IER2: variants seen among roughly 807,000 people sequenced by gnomAD.
IER2 encodes the protein immediate early response 2, also known as immediate early response gene 2 protein.
For synonymous variants in IER2, 198 were observed against 149.6 expected, an observed-to-expected ratio of 1.32 and a Z score of -2.36; for missense variants, 372 against 325.4, an observed-to-expected ratio of 1.14 and a Z score of -1.10.
rs1043814277 is a variant in IER2, at chr19:13,154,155, C to G, written c.*297C>G. On this transcript the variant is annotated 3_prime_UTR_variant, in exon 2 of 2. Coordinates refer to ENST00000292433, the MANE Select transcript of IER2 (RefSeq NM_004907.3). ...TGGACTGGGACGTGAACCTTTCGCT[C>G]TCCTTCTGGACTGGGAGAAGGGAGG... The G allele has an allele frequency of 1.4e-4, 57 of 415,482 alleles. No homozygotes were observed. The highest frequency in any genetic ancestry group is 6.3e-4 in the Middle Eastern group (1 of 1,594). 25.7% of individuals were successfully genotyped at this position (415,482 alleles called of 1,614,324 possible).
rs2020106558 is a variant in IER2 at position 13,154,542 on chromosome 19, G to C, written c.*684G>C. 1 of 167,322 alleles carries C rather than the reference G, an allele frequency of 6.0e-6. No individual in the cohort carries two copies. The highest frequency in any genetic ancestry group is 2.4e-5 in the African/African-American group (1 of 41,458). The allele number at this position is 167,322 out of a possible 1,614,324, so 10.4% of individuals were successfully genotyped here. A position where few individuals can be genotyped will look rare whatever the true frequency, so the allele number is the denominator to read the frequency against. On this transcript the variant is annotated 3_prime_UTR_variant, in exon 2 of 2. Coordinates refer to ENST00000292433, the MANE Select transcript of IER2 (RefSeq NM_004907.3). Reference sequence around the variant, plus strand: ...AATGTCCCGCGTCTCTGCACCTTCGGGTGGGAGCGGGGACTGATCTACTTT... The same window carrying C: ...AATGTCCCGCGTCTCTGCACCTTCGCGTGGGAGCGGGGACTGATCTACTTT...
At chr19:13,152,857 G>GAC (rs2020081275) in intron 1 of IER2, 87 bp from the exon 2 acceptor site, 2 of 184,788 alleles carry the variant, frequency 1.1e-5, no homozygotes, top group Admixed American at 1.2e-4. Context: ...CACCCAGAAA[G>GAC]CTCAGCGTGG....
Position 13,153,905 on chromosome 19 carries a change from C to T in IER2, c.*47C>T, listed in dbSNP as rs2020099049. On this transcript the variant is annotated 3_prime_UTR_variant, in exon 2 of 2. Coordinates refer to ENST00000292433, the MANE Select transcript of IER2 (RefSeq NM_004907.3). ...GAGCCCAGAGCGCGCGTCGAACCGT[C>T]GGCCCGAGGGCGCAGACCTGAGGCG... The T allele has an allele frequency of 7.2e-7, 1 of 1,385,344 alleles. No individual in the cohort carries two copies. Among genetic ancestry groups the T allele is most frequent in the East Asian group, 2.9e-5 (1 of 34,178 alleles). 85.8% of individuals were successfully genotyped at this position (1,385,344 alleles called of 1,614,324 possible).
At chr19:13,151,810 C>CG (rs778202788) in intron 1 of IER2, among the ~76,000 whole-genome samples, 2 of 150,216 alleles carry the variant, frequency 1.3e-5, no homozygotes, top group African/African-American at 4.9e-5. Context: ...CGCCCCCCCC[C>CG]CGGAAGCCCC....
chr19:13,151,617 C>T (rs1444173736), intron 1 of IER2, among the ~76,000 whole-genome samples: 1 of 152,202 alleles, frequency 6.6e-6, no homozygotes, highest in Non-Finnish European at 1.5e-5. Flanking sequence ...GTCGCCCCTA[C>T]CCGCTGCGGG....
rs776954446 is a variant in IER2, at chr19:13,153,165, C to T, written c.-22C>T. 2.0e-6 allele frequency: 3 copies of T among 1,490,414 alleles called. No individual in the cohort carries two copies. Among genetic ancestry groups the T allele is most frequent in the Middle Eastern group, 1.8e-4 (1 of 5,560 alleles). The allele number at this position is 1,490,414 out of a possible 1,614,324, so 92.3% of individuals were successfully genotyped here. A position where few individuals can be genotyped will look rare whatever the true frequency, so the allele number is the denominator to read the frequency against. On this transcript the variant is annotated 5_prime_UTR_variant, in exon 2 of 2. Coordinates refer to ENST00000292433, the MANE Select transcript of IER2 (RefSeq NM_004907.3). ...GTTCTGTCCCTCCCGGGAGCCCCCG[C>T]CGCTGTCGCCGTCGAGTCGCCATGG...
Position 13,153,943 on chromosome 19 carries a change from T to TTCCTGGGGGCTC in IER2, c.*85_*86insTCCTGGGGGCTC. On this transcript the variant is annotated 3_prime_UTR_variant, in exon 2 of 2. Coordinates refer to ENST00000292433, the MANE Select transcript of IER2 (RefSeq NM_004907.3). ...CAGACCTGAGGCGAGGCCACCCCCC[T>TTCCTGGGGGCTC]CCATCCTGGGGGAAGCGCCCGCGAA... 8.3e-7 allele frequency: 1 copy of TTCCTGGGGGCTC among 1,207,836 alleles called. No homozygotes were observed. Among genetic ancestry groups the TTCCTGGGGGCTC allele is most frequent in the South Asian group, 1.8e-5 (1 of 54,270 alleles). The allele number at this position is 1,207,836 out of a possible 1,614,324, so 74.8% of individuals were successfully genotyped here.
rs942576346 is a variant in IER2, at chr19:13,154,813, G to A, written c.*955G>A. 8 of 167,018 alleles carry A rather than the reference G, an allele frequency of 4.8e-5. No homozygotes were observed. The highest frequency in any genetic ancestry group is 4.4e-5 in the Non-Finnish European group (3 of 68,106). The allele number at this position is 167,018 out of a possible 1,614,324, so 10.3% of individuals were successfully genotyped here. ...CAGGGAGTTTCTGAGGGTCTGCTTT[G>A]TTTACCTTTCGTGCGGTGGATTCTT... On this transcript the variant is annotated 3_prime_UTR_variant, in exon 2 of 2. Coordinates refer to ENST00000292433, the MANE Select transcript of IER2 (RefSeq NM_004907.3).
chr19:13,153,756 C>T lies in IER2; in HGVS notation c.570C>T (p.Pro190=), dbSNP rs2020096584. 3.8e-6 allele frequency: 6 copies of T among 1,581,648 alleles called. No individual in the cohort carries two copies. The highest frequency in any genetic ancestry group is 1.1e-5 in the South Asian group (1 of 88,146). The change falls in exon 2 of 2, where the codon CCC becomes CCT. Residue 190 remains proline, a synonymous_variant. Transcript: ENST00000292433. ...RRFSGLLNCS[P]AAPPTAPPAC... is the part of the protein sequence containing the mutation. The stretch of plus-strand genomic sequence containing the variant: ...TCTCCGGCCTCCTGAACTGCAGCCC[C>T]GCGGCCCCTCCGACGGCGCCGCCCG...
Position 13,154,679 on chromosome 19 carries a change from G to A in IER2, c.*821G>A, listed in dbSNP as rs1038029263. Reference sequence around the variant, plus strand: ...CAATCAGCCGAGAAGTTCCTGGTCTGAATCACGAGAATGTGGAGGGGTGGG... The same window carrying A: ...CAATCAGCCGAGAAGTTCCTGGTCTAAATCACGAGAATGTGGAGGGGTGGG... On this transcript the variant is annotated 3_prime_UTR_variant, in exon 2 of 2. Coordinates refer to ENST00000292433, the MANE Select transcript of IER2 (RefSeq NM_004907.3). 3 of 167,306 alleles carry A rather than the reference G, an allele frequency of 1.8e-5. No individual in the cohort carries two copies. The Admixed American group carries it at 2.0e-4, about 11-fold the overall frequency. The allele number at this position is 167,306 out of a possible 1,614,324, so 10.4% of individuals were successfully genotyped here. A position where few individuals can be genotyped will look rare whatever the true frequency, so the allele number is the denominator to read the frequency against.
At chr19:13,152,299 G>A (rs544393108) in intron 1 of IER2, 1 of 152,386 alleles carries the variant, frequency 6.6e-6, no homozygotes, top group South Asian at 2.1e-4. Flanking sequence ...TGGAGCTCCT[G>A]TCGCGGGAAA....
intron 1 of IER2, among the ~76,000 whole-genome samples, chr19:13,151,703 G>A (rs1342467668): frequency 6.6e-6 from 1 of 152,212 alleles, no homozygotes; most frequent in African/African-American, 2.4e-5. Context: ...CACCCGGCTG[G>A]AATGCGAGTC....
At chr19:13,151,656 C>T (rs904364240) in intron 1 of IER2, among the ~76,000 whole-genome samples, 1 of 152,206 alleles carries the variant, frequency 6.6e-6, no homozygotes, top group Non-Finnish European at 1.5e-5. Context: ...GCCTTCCTGG[C>T]CCCTGGAGGG....
Position 13,153,717 on chromosome 19 carries a change from C to A in IER2, c.531C>A (p.Val177=), listed in dbSNP as rs780661443. 6.2e-7 allele frequency: 1 copy of A among 1,608,870 alleles called. No homozygotes were observed. Among genetic ancestry groups the A allele is most frequent in the South Asian group, 1.1e-5 (1 of 90,966 alleles). ...GCGCCTTTCCCAACCTGGCCCGCGTCCTGCAGAGGCGCTTCTCCGGCCTCC... is the reference window on the plus strand; with the variant it reads ...GCGCCTTTCCCAACCTGGCCCGCGTACTGCAGAGGCGCTTCTCCGGCCTCC... The part of the protein sequence containing the change: ...AEGAFPNLAR[V]LQRRFSGLLN... Residue 177 remains valine (V), a synonymous_variant, in exon 2 of 2, where the codon GTC becomes GTA. Transcript: ENST00000292433.
rs1209878330 is a variant in IER2 at position 13,153,555 on chromosome 19, C to T, written c.369C>T (p.Arg123=). Reference sequence around the variant, plus strand: ...CCGCCAAAGTCAGCCGCAAACGACGCAGCAGCAGCCTGAGCGACGGCGGGG... The same window carrying T: ...CCGCCAAAGTCAGCCGCAAACGACGTAGCAGCAGCCTGAGCGACGGCGGGG... ...PRPAKVSRKR[R]SSSLSDGGDA... is the part of the protein sequence containing the mutation. The change falls in exon 2 of 2, where the codon CGC becomes CGT. Residue 123 remains arginine (R), a synonymous_variant. Coordinates refer to ENST00000292433, the MANE Select transcript of IER2 (RefSeq NM_004907.3). 5.0e-6 allele frequency: 8 copies of T among 1,594,174 alleles called. No individual in the cohort carries two copies. Among genetic ancestry groups the T allele is most frequent in the East Asian group, 2.3e-5 (1 of 43,500 alleles).
Position 13,154,654 on chromosome 19 carries a change from C to T in IER2, c.*796C>T, listed in dbSNP as rs1366374491. The T allele has an allele frequency of 6.0e-6, 1 of 167,232 alleles. No homozygotes were observed. The highest frequency in any genetic ancestry group is 1.5e-5 in the Non-Finnish European group (1 of 68,296). 10.4% of individuals were successfully genotyped at this position (167,232 alleles called of 1,614,324 possible). A position where few individuals can be genotyped will look rare whatever the true frequency, so the allele number is the denominator to read the frequency against. ...TGCCCCTCCCTCAGACACACGGACA[C>T]AATCAGCCGAGAAGTTCCTGGTCTG... On this transcript the variant is annotated 3_prime_UTR_variant, in exon 2 of 2. Coordinates refer to ENST00000292433, the MANE Select transcript of IER2 (RefSeq NM_004907.3).
intron 1 of IER2, 41 bp from the exon 2 acceptor site, chr19:13,152,902 TC>T (rs1282685660): frequency 4.0e-6 from 1 of 252,858 alleles, no homozygotes; most frequent in Non-Finnish European, 7.5e-6. Context: ...AGGGTTCCCG[TC>T]CCCTTTCCCT....
Position 13,153,916 on chromosome 19 carries a change from C to T in IER2, c.*58C>T. 2 of 1,367,496 alleles carry T rather than the reference C, an allele frequency of 1.5e-6. No homozygotes were observed. Among genetic ancestry groups the T allele is most frequent in the South Asian group, 1.6e-5 (1 of 61,258 alleles). 84.7% of individuals were successfully genotyped at this position (1,367,496 alleles called of 1,614,324 possible). ...GCGCGTCGAACCGTCGGCCCGAGGG[C>T]GCAGACCTGAGGCGAGGCCACCCCC... On this transcript the variant is annotated 3_prime_UTR_variant, in exon 2 of 2. Coordinates refer to ENST00000292433, the MANE Select transcript of IER2 (RefSeq NM_004907.3).
At chr19:13,151,759 T>A (rs1453706873) in intron 1 of IER2, among the ~76,000 whole-genome samples, 2 of 148,786 alleles carry the variant, frequency 1.3e-5, no homozygotes, top group Non-Finnish European at 3.0e-5. Context: ...GGGTCGGGGA[T>A]GGGGAGGGGC....
Sources: gnomAD v4.1 joint callset for allele counts (sites outside exome capture counted in the v4.1 genomes callset) on GRCh38, gnomAD v4.1.1 for gene constraint, MANE v1.5 for transcripts, NCBI Gene and HGNC (gene_info 2026-07-23, HGNC 2026-07-21) for gene names.